Variants in JPH3 observed in about 807,000 individuals in gnomAD.
JPH3 encodes junctophilin-3.
A neutral mutation model predicts 59.6 loss-of-function variants in JPH3; 11 were observed. That is an observed-to-expected ratio of 0.18 (90% CI 0.12 to 0.31). The LOEUF (loss-of-function observed/expected upper bound fraction) is 0.31, where lower values mean the gene tolerates loss of function less well. Among genes scored for constraint, JPH3 ranks in the 10% least tolerant of loss-of-function variants. JPH3 has a pLI of 1.00. For missense variants in JPH3, 1,202 were observed against 1,105.7 expected, an observed-to-expected ratio of 1.09 and a Z score of -1.24; for synonymous variants, 673 against 483.6, an observed-to-expected ratio of 1.39 and a Z score of -5.14.
intron 1 of JPH3, among the ~76,000 whole-genome samples, chr16:87,615,354 G>A (rs543436826): frequency 2.3e-4 from 35 of 152,288 alleles, no homozygotes; most frequent in Admixed American, 3.9e-4. Flanking sequence ...CGGAGGCCCC[G>A]TACCCTTGGG....
intron 2 of JPH3, among the ~76,000 whole-genome samples, chr16:87,648,373 G>C (rs1435985057): frequency 6.6e-6 from 1 of 152,224 alleles, no homozygotes; most frequent in Non-Finnish European, 1.5e-5. Flanking sequence ...CGCACCACGT[G>C]GGCTGAGGAG....
chr16:87,617,783 G>T (rs190307373), intron 1 of JPH3, among the ~76,000 whole-genome samples: 104 of 152,270 alleles, frequency 6.8e-4, no homozygotes, highest in Non-Finnish European at 2.4e-4. Flanking sequence ...GCTGTGCGCA[G>T]CCGGGGCAGG....
At chr16:87,688,648 A>G (rs942477151) in intron 3 of JPH3, among the ~76,000 whole-genome samples, 2 of 152,026 alleles carry the variant, frequency 1.3e-5, no homozygotes, top group African/African-American at 4.8e-5. Flanking sequence ...CTCAGAGGGA[A>G]GACTCCCCAA....
intron 2 of JPH3, among the ~76,000 whole-genome samples, chr16:87,660,545 G>C (rs1020156905): frequency 4.6e-5 from 7 of 152,202 alleles, no homozygotes; most frequent in African/African-American, 1.4e-4. Context: ...TCCTGGGATA[G>C]CACAGACCAG....
Position 87,667,821 on chromosome 16 carries a change from TG to T in JPH3, c.1161-16320del, listed in dbSNP as rs1327661597. Among the ~76,000 whole-genome samples, 348 of 152,276 alleles carry T rather than the reference TG, an allele frequency of 2.3e-3. 2 individuals are homozygous for T. The highest frequency in any genetic ancestry group is 7.7e-3 in the African/African-American group (318 of 41,538). On this transcript the variant is annotated intron_variant, in intron 2 of 4. Transcript: ENST00000284262. Reference sequence around the variant, plus strand: ...CTGTCTGTTTTTGTTTGTTTTGTTTTGTTTTGTTTTGTTTTTGTTTTTCCTA... The same window carrying T: ...CTGTCTGTTTTTGTTTGTTTTGTTTTTTTTGTTTTGTTTTTGTTTTTCCTA...
intron 1 of JPH3, among the ~76,000 whole-genome samples, chr16:87,617,275 C>T (rs1466504203): frequency 6.6e-6 from 1 of 152,120 alleles, no homozygotes; most frequent in African/African-American, 2.4e-5. Context: ...TCCTTTCTTT[C>T]TTATTGCTGG....
chr16:87,693,291 C>T (rs1223359189), intron 4 of JPH3, among the ~76,000 whole-genome samples: 2 of 152,222 alleles, frequency 1.3e-5, no homozygotes, highest in African/African-American at 2.4e-5. Context: ...CCTCTGAGGA[C>T]CCTCCTCTCT....
At chr16:87,635,684 CCTCAT>C (rs1199300958) in intron 1 of JPH3, among the ~76,000 whole-genome samples, 2 of 152,202 alleles carry the variant, frequency 1.3e-5, no homozygotes, top group Non-Finnish European at 2.9e-5. Flanking sequence ...CTGCTGGCGG[CCTCAT>C]CTCATCCGCT....
Position 87,644,425 on chromosome 16 carries a change from G to T in JPH3, c.550G>T (p.Ala184Ser). 1 of 1,612,034 alleles carries T rather than the reference G, an allele frequency of 6.2e-7. No homozygotes were observed. The highest frequency in any genetic ancestry group is 8.5e-7 in the Non-Finnish European group (1 of 1,179,382). Residue 184 changes from alanine to serine, a missense_variant, in exon 2 of 5, where the codon GCG (alanine) becomes TCG (serine). Transcript: ENST00000284262. ...GTALHPDASP[A>S]VAGSPAVSRG... is the part of the protein sequence containing the mutation. ...GGCGCTGCATCCCGACGCCTCTCCG[G>T]CGGTGGCCGGCAGCCCGGCCGTGTC...
intron 4 of JPH3, chr16:87,694,528 C>T (rs548011286): frequency 6.6e-6 from 1 of 152,264 alleles, no homozygotes; most frequent in South Asian, 2.1e-4. Flanking sequence ...GCCGTGACCC[C>T]ACTGGGGCTC....
intron 4 of JPH3, chr16:87,694,528 C>CA (rs1203072850): frequency 6.6e-6 from 1 of 152,264 alleles, no homozygotes; most frequent in Non-Finnish European, 1.5e-5. Flanking sequence ...GCCGTGACCC[C>CA]ACTGGGGCTC....
chr16:87,647,567 C>T (rs1043311596), intron 2 of JPH3, among the ~76,000 whole-genome samples: 20 of 152,194 alleles, frequency 1.3e-4, no homozygotes, highest in Admixed American at 5.2e-4. Context: ...TCCGTCCCTT[C>T]GCCCGAGCGG....
intron 3 of JPH3, among the ~76,000 whole-genome samples, chr16:87,685,759 C>A (rs772496022): frequency 3.9e-5 from 6 of 152,372 alleles, no homozygotes; most frequent in Non-Finnish European, 8.8e-5. Flanking sequence ...TCACATTCCA[C>A]TGCCTGCGGC....
chr16:87,656,331 C>T (rs149927655), intron 2 of JPH3, among the ~76,000 whole-genome samples: 18 of 152,256 alleles, frequency 1.2e-4, no homozygotes, highest in East Asian at 3.9e-4. Context: ...CTTCCTGAGA[C>T]GGGGGGTGGG....
chr16:87,695,121 T>C (rs2033764676), intron 4 of JPH3: 14 of 357,366 alleles, frequency 3.9e-5, no homozygotes, highest in South Asian at 2.5e-4. Context: ...TTCCAGTCTC[T>C]GGGAGAGGAG....
intron 1 of JPH3, among the ~76,000 whole-genome samples, chr16:87,637,395 AGAG>A: frequency 1.4e-5 from 1 of 72,144 alleles, no homozygotes; most frequent in African/African-American, 5.4e-5. Context: ...TATGGGGGAG[AGAG>A]AGAGAGAGAG....
chr16:87,612,410 C>CTT (rs11291783), intron 1 of JPH3, among the ~76,000 whole-genome samples: 3 of 152,024 alleles, frequency 2.0e-5, no homozygotes, highest in Admixed American at 1.3e-4. Context: ...GTGTGAGCAA[C>CTT]TTTTTTACAG....
rs148310161 is a variant in JPH3 at position 87,650,661 on chromosome 16, T to C, written c.1160+5626T>C. The stretch of plus-strand genomic sequence containing the variant: ...CATGAATGATAAGGGAGTGAAACAA[T>C]GTTATTGCTGATATGGAGAAAATTT... On this transcript the variant is annotated intron_variant, in intron 2 of 4. Coordinates refer to ENST00000284262, the MANE Select transcript of JPH3 (RefSeq NM_020655.4). Among the ~76,000 whole-genome samples, 16 of 152,332 alleles carry C rather than the reference T, an allele frequency of 1.1e-4. No individual in the cohort carries two copies. In the East Asian group the frequency reaches 2.7e-3, roughly 26 times the overall value.
rs1597228280 is a variant in JPH3 at position 87,603,143 on chromosome 16, A to T, written c.-4A>T. ...TTTGCGGGATCTGGAACCGAGTTAC[A>T]TGCATGTCCAGTGGGGGCAGGTTTA... On this transcript the variant is annotated 5_prime_UTR_variant, in exon 1 of 5. An upstream start codon of the reference 5' UTR is lost. Transcript: ENST00000284262. 3.7e-6 allele frequency: 6 copies of T among 1,613,876 alleles called. No homozygotes were observed. In the South Asian group the frequency reaches 6.6e-5, roughly 18 times the overall value.
Sources: gnomAD v4.1 joint callset for allele counts (sites outside exome capture counted in the v4.1 genomes callset) on GRCh38, gnomAD v4.1.1 for gene constraint, MANE v1.5 for transcripts, NCBI Gene and HGNC (gene_info 2026-07-23, HGNC 2026-07-21) for gene names.